COL20A1: variants seen among roughly 807,000 people sequenced by gnomAD.
COL20A1 encodes the protein collagen type XX alpha 1 chain.
Under a neutral mutation model 152.9 loss-of-function variants are expected in COL20A1, and 164 were observed. The observed-to-expected ratio is 1.07, with a 90% CI of 0.94 to 1.22. COL20A1 has a LOEUF of 1.22. Ranked by LOEUF, COL20A1 falls within the 50% of genes most tolerant of loss-of-function variation. COL20A1 has a pLI of 0.00. For synonymous variants in COL20A1, 864 were observed against 756.0 expected, an observed-to-expected ratio of 1.14 and a Z score of -2.34; for missense variants, 1,873 against 1,744.8, an observed-to-expected ratio of 1.07 and a Z score of -1.31.
rs200235715 is a variant in COL20A1 at position 63,320,180 on chromosome 20, C to T, written c.3058C>T (p.Arg1020Trp). The T allele has an allele frequency of 1.3e-3, 2,074 of 1,568,158 alleles. 1 individual carries two copies. Among genetic ancestry groups the T allele is most frequent in the African/African-American group, 3.9e-3 (285 of 73,972 alleles). The change falls in exon 24 of 36, where the codon CGG becomes TGG. Residue 1020 changes from arginine to tryptophan, a missense_variant. By Grantham distance (101) the Arg-to-Trp change is moderately radical. Transcript: ENST00000358894. The stretch of plus-strand genomic sequence containing the variant: ...GAGGCTGGCCAAGGCCAGGGGCCCC[C>T]GGAGCAGTTCGGCCGCGGTGAGTTG... ...LGRLAKARGP[R>W]SSSAAFQLQM...
chr20:63,319,389 C>T lies in COL20A1; in HGVS notation c.2807-98C>T. On this transcript the variant is annotated intron_variant, in intron 22 of 35. Coordinates refer to ENST00000358894, the MANE Select transcript of COL20A1 (RefSeq NM_020882.4). The surrounding 1 kb of genome is among the most constrained non-coding windows in gnomAD (Gnocchi z 4.4). ...AGGGTCACCTCCAGCTTGGCACCCT[C>T]AGGGCTGCTCCTGTCCTGTCGTGGG... is the stretch of plus-strand genomic sequence containing the variant. 1.8e-6 allele frequency: 2 copies of T among 1,126,658 alleles called. No homozygotes were observed. Among genetic ancestry groups the T allele is most frequent in the Admixed American group, 4.5e-5 (2 of 44,216 alleles). The allele number at this position is 1,126,658 out of a possible 1,614,324, so 69.8% of individuals were successfully genotyped here. A position where few individuals can be genotyped will look rare whatever the true frequency, so the allele number is the denominator to read the frequency against.
At position 63,307,664 on chromosome 20, in the gene COL20A1, G is replaced by A; in HGVS notation, c.655+16G>A. 2 of 1,606,302 alleles carry A rather than the reference G, an allele frequency of 1.2e-6. No homozygotes were observed. Among genetic ancestry groups the A allele is most frequent in the Non-Finnish European group, 1.7e-6 (2 of 1,175,608 alleles). ...GTCCAAGTAGGTGGGTGCTGGCCCG[G>A]CCCGCCTCCTGCCCCACCCGGGTGT... On this transcript the variant is annotated intron_variant, in intron 6 of 35. Transcript: ENST00000358894.
At chr20:63,327,925 C>G in intron 31 of COL20A1, 27 bp from the exon 32 acceptor site, 1 of 1,580,838 alleles carries the variant, frequency 6.3e-7, no homozygotes, top group Non-Finnish European at 8.6e-7. Context: ...TCTCTGCTGA[C>G]TTCTTTTCTC....
chr20:63,328,047 G>A (rs374078905), intron 32 of COL20A1, 32 bp from the exon 33 acceptor site: 9 of 1,613,126 alleles, frequency 5.6e-6, no homozygotes, highest in East Asian at 2.2e-5. Flanking sequence ...CCTGCCACAC[G>A]GGTCCCAAAG....
intron 8 of COL20A1, 70 bp downstream of exon 8, chr20:63,308,776 C>T (rs1204943914): frequency 7.4e-7 from 1 of 1,354,936 alleles, no homozygotes. Context: ...CAGCAGGGAG[C>T]TTGCATTGGG....
chr20:63,314,648 C>A (rs2123410293), intron 19 of COL20A1, among the ~76,000 whole-genome samples: 1 of 152,240 alleles, frequency 6.6e-6, no homozygotes, highest in African/African-American at 2.4e-5. Flanking sequence ...GCAGCCTTCC[C>A]ATGGGAGGGG....
At position 63,309,533 on chromosome 20, in the gene COL20A1, C is replaced by A. The variant is rs112566980; in HGVS notation, c.1105+36C>A. ...GGGTCACCCGCACAGGCTGCAGCCC[C>A]CCCGGCTGCTTTGGGCAAAGGGTTG... On this transcript the variant is annotated intron_variant, in intron 9 of 35. Transcript: ENST00000358894. 938 of 1,459,458 alleles carry A rather than the reference C, an allele frequency of 6.4e-4. 15 individuals carry two copies. The African/African-American group carries it at 0.012, about 19-fold the overall frequency. The allele number at this position is 1,459,458 out of a possible 1,614,324, so 90.4% of individuals were successfully genotyped here. A position where few individuals can be genotyped will look rare whatever the true frequency, so the allele number is the denominator to read the frequency against.
At chr20:63,327,663 C>T (rs1051953584) in intron 31 of COL20A1, 8 of 497,256 alleles carry the variant, frequency 1.6e-5, no homozygotes, top group African/African-American at 3.9e-5. Context: ...GTCCCACACC[C>T]GCCATCTCCC....
Position 63,316,697 on chromosome 20 carries a change from AG to A in COL20A1, c.2663+9del. 1 of 1,534,560 alleles carries A rather than the reference AG, an allele frequency of 6.5e-7. No individual in the cohort carries two copies. ...CAGCTGACAAGACGGGTCAGGTGTGAGGGCAAGGGCTGGGGTGGAGCTGGAA... is the reference window on the plus strand; with the variant it reads ...CAGCTGACAAGACGGGTCAGGTGTGAGGCAAGGGCTGGGGTGGAGCTGGAA... On this transcript the variant is annotated splice_region_variant and intron_variant, in intron 21 of 35. Transcript: ENST00000358894.
intron 7 of COL20A1, 141 bp from the exon 8 acceptor site, chr20:63,308,401 C>T (rs2067958349): frequency 3.4e-6 from 3 of 874,438 alleles, no homozygotes; most frequent in Non-Finnish European, 5.1e-6. Flanking sequence ...TAGACCCTCC[C>T]TGCTCCCTTG....
chr20:63,311,900 C>T lies in COL20A1; in HGVS notation c.1664-16C>T. On this transcript the variant is annotated splice_polypyrimidine_tract_variant and intron_variant, in intron 13 of 35. Transcript: ENST00000358894. This position sits in a 1 kb window ranked among gnomAD's most constrained non-coding sequence, Gnocchi z 4.4. ...GAGGCCGCGTGCTGGCCTTGAGGCT[C>T]TGCTGTGCTTTGCAGCCACCCTGGC... 6.5e-7 allele frequency: 1 copy of T among 1,532,768 alleles called. No homozygotes were observed. The highest frequency in any genetic ancestry group is 8.8e-7 in the Non-Finnish European group (1 of 1,142,370). The allele number at this position is 1,532,768 out of a possible 1,614,324, so 94.9% of individuals were successfully genotyped here. A position where few individuals can be genotyped will look rare whatever the true frequency, so the allele number is the denominator to read the frequency against.
rs753687570 is a variant in COL20A1 at position 63,306,031 on chromosome 20, G to C, written c.488G>C (p.Arg163Pro). The C allele has an allele frequency of 6.2e-7, 1 of 1,610,366 alleles. No homozygotes were observed. Among genetic ancestry groups the C allele is most frequent in the South Asian group, 1.1e-5 (1 of 90,640 alleles). Reference sequence around the variant, plus strand: ...GCCTTCACACCAAGCCAGGATCCGCGCACTCCTGGTGGGTCAGAGTGGAGA... The same window carrying C: ...GCCTTCACACCAAGCCAGGATCCGCCCACTCCTGGTGGGTCAGAGTGGAGA... The part of the protein sequence containing the change: ...QVAFTPSQDP[R>P]TPAGPQFRCL... Residue 163 changes from arginine (R) to proline (P), a missense_variant, in exon 5 of 36, where the codon CGC (arginine) becomes CCC (proline). Transcript: ENST00000358894. This position sits in a 1 kb window ranked among gnomAD's most constrained non-coding sequence, Gnocchi z 6.9.
Position 63,308,109 on chromosome 20 carries a change from C to CCTCCCT in COL20A1, c.775+22_775+27dup. 1 of 1,611,484 alleles carries CCTCCCT rather than the reference C, an allele frequency of 6.2e-7. No individual in the cohort carries two copies. Among genetic ancestry groups the CCTCCCT allele is most frequent in the Non-Finnish European group, 8.5e-7 (1 of 1,179,072 alleles). ...TTCACAGGTACGGCCCAGGCCTGCCCCTCCCTCTGTCCTGAGGGCGGACCT... is the reference window on the plus strand; with the variant it reads ...TTCACAGGTACGGCCCAGGCCTGCCCCTCCCTCTCCCTCTGTCCTGAGGGCGGACCT... On this transcript the variant is annotated intron_variant, in intron 7 of 35. Coordinates refer to ENST00000358894, the MANE Select transcript of COL20A1 (RefSeq NM_020882.4).
At chr20:63,325,386 C>A in intron 27 of COL20A1, 55 bp from the exon 28 acceptor site, 1 of 1,351,424 alleles carries the variant, frequency 7.4e-7, no homozygotes, top group Non-Finnish European at 1.1e-6. Flanking sequence ...TCCTTCCCTG[C>A]CCTCCTGCCC....
At chr20:63,297,645 C>G (rs1057008930) in intron 2 of COL20A1, among the ~76,000 whole-genome samples, 10 of 152,230 alleles carry the variant, frequency 6.6e-5, no homozygotes, top group African/African-American at 9.6e-5. Flanking sequence ...ACTGGACTCC[C>G]TCTCACCAAA....
chr20:63,322,172 CCCCT>C (rs1429733020), intron 27 of COL20A1, 61 bp downstream of exon 27: 9 of 1,305,910 alleles, frequency 6.9e-6, no homozygotes, highest in Non-Finnish European at 9.3e-6. Context: ...GAAGAGAACA[CCCCT>C]CCCAGTGCAT....
intron 32 of COL20A1, 30 bp from the exon 33 acceptor site, chr20:63,328,049 G>T: frequency 1.2e-6 from 2 of 1,613,412 alleles, no homozygotes; most frequent in Non-Finnish European, 1.7e-6. Flanking sequence ...TGCCACACGG[G>T]TCCCAAAGCT....
At chr20:63,293,764 G>A (rs1238598692) in intron 1 of COL20A1, among the ~76,000 whole-genome samples, 1 of 151,970 alleles carries the variant, frequency 6.6e-6, no homozygotes, top group Non-Finnish European at 1.5e-5. Context: ...TGGCCGGCCG[G>A]GCGGGCATGA....
In COL20A1 at chr20:63,319,144, C is replaced by T. The variant is rs374933120; in HGVS notation, c.2750C>T (p.Ala917Val). 1.4e-5 allele frequency: 22 copies of T among 1,612,966 alleles called. No individual in the cohort carries two copies. The highest frequency in any genetic ancestry group is 4.5e-5 in the East Asian group (2 of 44,856). The change falls in exon 22 of 36, where the codon GCG becomes GTG. Residue 917 changes from alanine (A) to valine (V), a missense_variant. Ala to Val is a moderately conservative substitution (Grantham distance 64). Coordinates refer to ENST00000358894, the MANE Select transcript of COL20A1 (RefSeq NM_020882.4). The surrounding 1 kb of genome is among the most constrained non-coding windows in gnomAD (Gnocchi z 4.4). ...LLPETPREAF[A>V]LWQMTAEDFQ... ...CCCGAGACACCCCGTGAGGCCTTCG[C>T]GCTGTGGCAGATGACAGCCGAGGAC...
Sources: allele counts gnomAD v4.1 joint callset (sites outside exome capture counted in the v4.1 genomes callset), GRCh38; gene constraint gnomAD v4.1.1; non-coding constraint Gnocchi (gnomAD v3.1); transcripts MANE v1.5; gene names NCBI Gene and HGNC (gene_info 2026-07-23, HGNC 2026-07-21).